The following CFAP46 variants were observed in gnomAD, a reference collection of about 807,000 sequenced individuals.
The protein encoded by CFAP46 is cilia and flagella associated protein 46.
CFAP46 carries 245 observed loss-of-function variants against 325.7 expected under a neutral mutation model. The observed-to-expected ratio is 0.75, with a 90% confidence interval of 0.68 to 0.84. CFAP46 has a LOEUF of 0.84. Ranked by LOEUF, CFAP46 falls within the 40% of genes least tolerant of loss-of-function variation. The probability of loss-of-function intolerance (pLI) is 0.00; values close to 1 mark genes in which losing one functional copy is unlikely to be tolerated. For missense variants in CFAP46, 3,346 were observed against 3,543.0 expected (o/e 0.94, Z 1.41); for synonymous variants, 1,523 against 1,495.9 (o/e 1.02, Z -0.42).
At chr10:132,927,837 T>C (rs1475445135) in intron 9 of CFAP46, among the ~76,000 whole-genome samples, 4 of 152,232 alleles carry the variant, frequency 2.6e-5, no homozygotes, top group African/African-American at 9.6e-5. Context: ...TAATTTAAAA[T>C]AAATCTCGTG....
intron 9 of CFAP46, among the ~76,000 whole-genome samples, chr10:132,928,351 C>T (rs1017991289): frequency 3.3e-5 from 5 of 152,056 alleles, no homozygotes; most frequent in African/African-American, 9.7e-5. Flanking sequence ...CCACAGAAGC[C>T]GGTAAAGGGC....
rs1849126776 is a variant in CFAP46 at position 132,886,078 on chromosome 10, A to C, written c.3305-119T>G. 7 of 1,334,202 alleles carry C rather than the reference A, an allele frequency of 5.2e-6. No individual in the cohort carries two copies. In the East Asian group the frequency reaches 1.8e-4, roughly 34 times the overall value. The allele number at this position is 1,334,202 out of a possible 1,614,324, so 82.6% of individuals were successfully genotyped here. A position where few individuals can be genotyped will look rare whatever the true frequency, so the allele number is the denominator to read the frequency against. On this transcript the variant is annotated intron_variant, in intron 25 of 57. Transcript: ENST00000368586. The surrounding 1 kb of genome is among the most constrained non-coding windows in gnomAD (Gnocchi z 5.8). The stretch of plus-strand genomic sequence containing the variant: ...CCCTGAGGTGGAACCGCGGCTACAG[A>C]GGTGCCCAGGCCAGCGCATGCCCCG...
In CFAP46 at chr10:132,857,861, A is replaced by G. The variant is rs181326482; in HGVS notation, c.5376-73T>C. 9.6e-3 allele frequency: 11,947 copies of G among 1,239,608 alleles called. 112 individuals are homozygous for G. The highest frequency in any genetic ancestry group is 0.04 in the Middle Eastern group (190 of 4,754). 76.8% of individuals were successfully genotyped at this position (1,239,608 alleles called of 1,614,324 possible). On this transcript the variant is annotated intron_variant, in intron 38 of 57. Coordinates refer to ENST00000368586, the MANE Select transcript of CFAP46 (RefSeq NM_001200049.3). ...CTAAATGTTTAATATGTCATTTTCTATCATACTGTATATTTTATTAGTGCT... is the reference window on the plus strand; with the variant it reads ...CTAAATGTTTAATATGTCATTTTCTGTCATACTGTATATTTTATTAGTGCT...
At position 132,937,542 on chromosome 10, in the gene CFAP46, G is replaced by A. The variant is rs371259449; in HGVS notation, c.660+10C>T. 55 of 1,612,732 alleles carry A rather than the reference G, an allele frequency of 3.4e-5. No homozygotes were observed. The highest frequency in any genetic ancestry group is 1.1e-4 in the African/African-American group (8 of 74,806). On this transcript the variant is annotated intron_variant, in intron 6 of 57. Coordinates refer to ENST00000368586, the MANE Select transcript of CFAP46 (RefSeq NM_001200049.3). ...CTTCTTACGTCTCTATTTCTAATAC[G>A]CTGATTTACCATAACAGAGAATATC...
At chr10:132,892,278 G>C in intron 25 of CFAP46, 55 bp downstream of exon 25, 1 of 1,511,678 alleles carries the variant, frequency 6.6e-7, no homozygotes, top group Non-Finnish European at 9.0e-7. Context: ...ATTGGCTCAA[G>C]TCCTTCCCTT....
At position 132,876,364 on chromosome 10, in the gene CFAP46, CAA is replaced by C. The variant is rs1848956881; in HGVS notation, c.4362+446_4362+447del. Among the ~76,000 whole-genome samples the C allele has an allele frequency of 6.6e-6, 1 of 152,194 alleles. No homozygotes were observed. The highest frequency in any genetic ancestry group is 1.5e-5 in the Non-Finnish European group (1 of 68,034). On this transcript the variant is annotated intron_variant, in intron 31 of 57. Transcript: ENST00000368586. The surrounding 1 kb of genome is among the most constrained non-coding windows in gnomAD (Gnocchi z 4.1). Reference sequence around the variant, plus strand: ...GAGGGAGCGGGAGATTTGATCCACACAAAAGAGGAGGCCACGTGACCACAGAG... The same window carrying C: ...GAGGGAGCGGGAGATTTGATCCACACAAGAGGAGGCCACGTGACCACAGAG...
chr10:132,887,262 TCTCTCTCCTCTC>T (rs1261064621), intron 25 of CFAP46, among the ~76,000 whole-genome samples: 2 of 103,398 alleles, frequency 1.9e-5, no homozygotes, highest in Non-Finnish European at 3.7e-5. Context: ...CTCTCGCTTC[TCTCTCTCCTCTC>T]CTCTCTCCTC....
chr10:132,834,594 G>A, intron 48 of CFAP46, 60 bp downstream of exon 48: 1 of 1,594,558 alleles, frequency 6.3e-7, no homozygotes, highest in Non-Finnish European at 8.6e-7. Flanking sequence ...CCACAGCACT[G>A]GACACACGTG....
intron 33 of CFAP46, 113 bp from the exon 34 acceptor site, chr10:132,867,620 CGT>C (rs746240234): frequency 7.6e-5 from 100 of 1,317,116 alleles, no homozygotes; most frequent in African/African-American, 8.9e-5. Flanking sequence ...TCTTCACGCG[CGT>C]GTTTACAAAG....
chr10:132,837,017 G>A (rs1848262295), intron 44 of CFAP46, 103 bp from the exon 45 acceptor site: 3 of 918,538 alleles, frequency 3.3e-6, no homozygotes, highest in Non-Finnish European at 3.5e-6. Flanking sequence ...AGCCACGGCG[G>A]GGGCTTTGTA....
At chr10:132,883,255 C>T (rs972956782) in intron 27 of CFAP46, among the ~76,000 whole-genome samples, 5 of 152,178 alleles carry the variant, frequency 3.3e-5, no homozygotes, top group Non-Finnish European at 5.9e-5. Context: ...CCTGCATCCA[C>T]GATACACCAT....
At position 132,938,669 on chromosome 10, in the gene CFAP46, C is replaced by A. The variant is rs373811917; in HGVS notation, c.456G>T (p.Leu152=). The A allele has an allele frequency of 6.2e-7, 1 of 1,613,630 alleles. No homozygotes were observed. The highest frequency in any genetic ancestry group is 8.5e-7 in the Non-Finnish European group (1 of 1,179,984). ...PFLKPGYRHH[L]IPSLSQIINV... The stretch of plus-strand genomic sequence containing the variant: ...TTATGATTTGGGAAAGGCTGGGGAT[C>A]AGATGGTGACGATATCCAGGCTTGA... Residue 152 remains leucine, a synonymous_variant, in exon 5 of 58, where the codon CTG becomes CTT. Coordinates refer to ENST00000368586, the MANE Select transcript of CFAP46 (RefSeq NM_001200049.3).
chr10:132,851,389 C>T (rs1564777985), intron 39 of CFAP46, 84 bp from the exon 40 acceptor site: 1 of 1,343,548 alleles, frequency 7.4e-7, no homozygotes, highest in East Asian at 2.5e-5. Flanking sequence ...TGAGGCATAA[C>T]CGACGTAAGA....
chr10:132,865,817 C>T (rs992129793), intron 35 of CFAP46, among the ~76,000 whole-genome samples: 3 of 152,248 alleles, frequency 2.0e-5, no homozygotes, highest in African/African-American at 7.2e-5. Context: ...ATAGAAACTT[C>T]AGCAAACTGT....
chr10:132,810,573 G>A, intron 56 of CFAP46, 84 bp from the exon 57 acceptor site: 1 of 1,221,734 alleles, frequency 8.2e-7, no homozygotes, highest in Non-Finnish European at 1.2e-6. Flanking sequence ...GGGATGCCAG[G>A]GGCCCACGCA....
At chr10:132,938,851 G>A in intron 4 of CFAP46, 98 bp from the exon 5 acceptor site, 2 of 1,210,652 alleles carry the variant, frequency 1.7e-6, no homozygotes, top group South Asian at 1.4e-5. Flanking sequence ...CCCCTCCCAG[G>A]AGGGGCCTCA....
At chr10:132,845,021 G>A (rs1262023967) in intron 44 of CFAP46, among the ~76,000 whole-genome samples, 1 of 152,084 alleles carries the variant, frequency 6.6e-6, no homozygotes, top group African/African-American at 2.4e-5. Flanking sequence ...GTCCAGCTTA[G>A]GCCACAGGCA....
intron 16 of CFAP46, among the ~76,000 whole-genome samples, chr10:132,917,052 C>T (rs1387461210): frequency 6.6e-6 from 1 of 152,240 alleles, no homozygotes; most frequent in African/African-American, 2.4e-5. Context: ...GAAAGGTCTG[C>T]GCTGGCCTCC....
chr10:132,814,862 T>C lies in CFAP46; in HGVS notation c.7170A>G (p.Leu2390=). The part of the protein sequence containing the change: ...GRSRDPKKRS[L]AKKGRKGSIP... ...CACCCACCTTCCTGCCCTTCTTCGC[T>C]AGGCTTCTCTTTTTGGGGTCTCTGC... The change falls in exon 51 of 58, where the codon CTA becomes CTG. Residue 2390 remains leucine, a synonymous_variant. Coordinates refer to ENST00000368586, the MANE Select transcript of CFAP46 (RefSeq NM_001200049.3). 1.9e-6 allele frequency: 3 copies of C among 1,614,174 alleles called. No individual in the cohort carries two copies.
Sources: allele counts gnomAD v4.1 joint callset (sites outside exome capture counted in the v4.1 genomes callset), GRCh38; gene constraint gnomAD v4.1.1; non-coding constraint Gnocchi (gnomAD v3.1); transcripts MANE v1.5; gene names NCBI Gene and HGNC (gene_info 2026-07-23, HGNC 2026-07-21).